STRC: variants seen among roughly 807,000 people sequenced by gnomAD.
STRC encodes stereocilin.
In STRC, 43 loss-of-function variants were observed where a neutral mutation model predicts 103.5. The observed-to-expected ratio is 0.42, with a 90% CI of 0.33 to 0.54. STRC has a LOEUF of 0.54. Ranked by LOEUF, STRC falls within the 20% of genes least tolerant of loss-of-function variation. The pLI, the probability that STRC is intolerant of heterozygous loss-of-function variation, is 0.14. For synonymous variants in STRC, 186 were observed against 442.3 expected, an observed-to-expected ratio of 0.42 and a Z score of 7.27; for missense variants, 499 against 1,088.5, an observed-to-expected ratio of 0.46 and a Z score of 7.62.
At chr15:43,602,582 G>A (rs1202742230) in intron 23 of STRC, 1 of 153,194 alleles carries the variant, frequency 6.5e-6, no homozygotes, top group Non-Finnish European at 1.4e-5. Context: ...AAATTGGAAT[G>A]ATACAGAGAT....
intron 18 of STRC, among the ~76,000 whole-genome samples, chr15:43,606,302 TA>T (rs1435233652): frequency 1.1e-5 from 1 of 88,434 alleles, no homozygotes; most frequent in Non-Finnish European, 2.4e-5. Context: ...TGAATGGCAT[TA>T]AAAAAAAGTA....
At chr15:43,607,360 C>A (rs2085718170) in intron 18 of STRC, among the ~76,000 whole-genome samples, 1 of 133,028 alleles carries the variant, frequency 7.5e-6, no homozygotes. Flanking sequence ...ATGTAAAAAT[C>A]TGATCTCCGT....
In STRC at chr15:43,604,026, C is replaced by A; in HGVS notation, c.4345G>T (p.Val1449Leu). The change falls in exon 22 of 29, where the codon GTG becomes TTG. Residue 1449 changes from valine (V) to leucine (L), a missense_variant. Val to Leu is a conservative substitution (Grantham distance 32). Coordinates refer to ENST00000450892, the MANE Select transcript of STRC (RefSeq NM_153700.2). Reference protein sequence around the residue: ...AAKKAALVAGVVRPAAEDLPE... With the variant: ...AAKKAALVAGLVRPAAEDLPE... ...AGATCCTCAGCAGCTGGTCGCACCACCCCTGCTACCAGGGCTGCTTTCTTG... is the reference window on the plus strand; with the variant it reads ...AGATCCTCAGCAGCTGGTCGCACCAACCCTGCTACCAGGGCTGCTTTCTTG... 1 of 1,613,282 alleles carries A rather than the reference C, an allele frequency of 6.2e-7. No individual in the cohort carries two copies. The highest frequency in any genetic ancestry group is 8.5e-7 in the Non-Finnish European group (1 of 1,179,662).
In STRC at chr15:43,600,612, G is replaced by A. The variant is rs2085657668; in HGVS notation, c.4915C>T (p.Leu1639=). 8.1e-6 allele frequency: 13 copies of A among 1,613,806 alleles called. No individual in the cohort carries two copies. The highest frequency in any genetic ancestry group is 1.1e-5 in the Non-Finnish European group (13 of 1,179,888). Residue 1639 remains leucine (L), a synonymous_variant, in exon 26 of 29, where the codon CTA becomes TTA. Transcript: ENST00000450892. ...CCAAACCCACCAGGCAGTACAAGTA[G>A]GTGGGCCAGAACCTCCAGTTGTTCC... ...SEEQLEVLAH[L]LVLPGGFGPI... is the part of the protein sequence containing the mutation.
intron 24 of STRC, 105 bp from the exon 25 acceptor site, chr15:43,601,119 C>T: frequency 1.1e-6 from 1 of 939,720 alleles, no homozygotes; most frequent in Non-Finnish European, 1.6e-6. Context: ...CTATTAAGAC[C>T]TAAGGAGTCA....
Position 43,609,680 on chromosome 15 carries a change from T to C in STRC, c.3499-346A>G. 1.3e-5 allele frequency: 4 copies of C among 317,214 alleles called. 1 individual carries two copies. The highest frequency in any genetic ancestry group is 9.2e-5 in the South Asian group (3 of 32,634). The allele number at this position is 317,214 out of a possible 1,614,324, so 19.6% of individuals were successfully genotyped here. On this transcript the variant is annotated intron_variant, in intron 15 of 28. Coordinates refer to ENST00000450892, the MANE Select transcript of STRC (RefSeq NM_153700.2). ...ATCTGGACAGCATAGTACCTCAACATAGTGTCTCCACATAGTGTCCACATT... is the reference window on the plus strand; with the variant it reads ...ATCTGGACAGCATAGTACCTCAACACAGTGTCTCCACATAGTGTCCACATT...
Position 43,603,234 on chromosome 15 carries a change from T to A in STRC, c.4545+8A>T. 1 of 1,613,240 alleles carries A rather than the reference T, an allele frequency of 6.2e-7. No homozygotes were observed. The highest frequency in any genetic ancestry group is 8.5e-7 in the Non-Finnish European group (1 of 1,179,656). On this transcript the variant is annotated splice_region_variant and intron_variant, in intron 23 of 28. Transcript: ENST00000450892. ...ATGGCCAACCCCAGTTGGCTCTCCA[T>A]CCCTAACCTGTTTTGCTTTGCCCAT...
chr15:43,600,853 C>A lies in STRC; in HGVS notation c.4844+19G>T, dbSNP rs1567116140. Reference sequence around the variant, plus strand: ...ACCTTTACCTCAGCACCACCACCCTCAGCCCCTTCACAAATGACCTGAACT... The same window carrying A: ...ACCTTTACCTCAGCACCACCACCCTAAGCCCCTTCACAAATGACCTGAACT... On this transcript the variant is annotated intron_variant, in intron 25 of 28. Transcript: ENST00000450892. 3.7e-6 allele frequency: 6 copies of A among 1,613,578 alleles called. No homozygotes were observed. The highest frequency in any genetic ancestry group is 2.2e-5 in the East Asian group (1 of 44,872).
chr15:43,604,653 A>C lies in STRC; in HGVS notation c.4124T>G (p.Leu1375Arg). 5 of 1,613,652 alleles carry C rather than the reference A, an allele frequency of 3.1e-6. No homozygotes were observed. Among genetic ancestry groups the C allele is most frequent in the Non-Finnish European group, 4.2e-6 (5 of 1,179,750 alleles). ...TGAAGTTCTCGAAGGTCCATACCCA[A>C]GAACAGACTCCTGCAATAGCAGCCA... is the stretch of plus-strand genomic sequence containing the variant. ...LGWLLLQESV[L>R]GKPELWSQDE... Residue 1375 changes from leucine to arginine, a missense_variant, in exon 20 of 29, where the codon CTT becomes CGT. Transcript: ENST00000450892.
Position 43,601,588 on chromosome 15 carries a change from A to G in STRC, c.4546-37T>C, listed in dbSNP as rs749689482. ...ACAGGAACAATGTGAGTGGAAAAGC[A>G]GTGGATTGGGAGTCATACTGCTGGG... On this transcript the variant is annotated intron_variant, in intron 23 of 28. Coordinates refer to ENST00000450892, the MANE Select transcript of STRC (RefSeq NM_153700.2). The G allele has an allele frequency of 1.2e-5, 19 of 1,610,210 alleles. 1 individual carries two copies. Among genetic ancestry groups the G allele is most frequent in the Non-Finnish European group, 1.6e-5 (19 of 1,176,860 alleles).
Position 43,600,590 on chromosome 15 carries a change from A to G in STRC, c.4937T>C (p.Phe1646Ser), listed in dbSNP as rs763598724. The stretch of plus-strand genomic sequence containing the variant: ...AGGCCCCCAGTTACTGATTGGGCCA[A>G]ACCCACCAGGCAGTACAAGTAGGTG... ...LAHLLVLPGG[F>S]GPISNWGPEI... Residue 1646 changes from phenylalanine to serine, a missense_variant, in exon 26 of 29, where the codon TTT becomes TCT. Transcript: ENST00000450892. The G allele has an allele frequency of 8.1e-6, 13 of 1,613,570 alleles. 1 individual carries two copies. In the African/African-American group the frequency reaches 1.7e-4, roughly 22 times the overall value.
chr15:43,605,568 T>C (rs1476587555), intron 18 of STRC, among the ~76,000 whole-genome samples, 169 bp from the exon 19 acceptor site: 1 of 149,904 alleles, frequency 6.7e-6, no homozygotes, highest in East Asian at 2.0e-4. Flanking sequence ...ACCATCAAGC[T>C]TGAGTGGGGG....
intron 25 of STRC, 41 bp from the exon 26 acceptor site, chr15:43,600,723 A>C: frequency 1.2e-6 from 2 of 1,612,918 alleles, no homozygotes; most frequent in Non-Finnish European, 8.5e-7. Context: ...ATTCGGCTTC[A>C]GTGAAAGGGG....
rs771322765 is a variant in STRC at position 43,604,158 on chromosome 15, T to C, written c.4219-6A>G. 6.2e-7 allele frequency: 1 copy of C among 1,608,978 alleles called. No homozygotes were observed. Among genetic ancestry groups the C allele is most frequent in the South Asian group, 1.1e-5 (1 of 90,406 alleles). On this transcript the variant is annotated splice_polypyrimidine_tract_variant and splice_region_variant and intron_variant, in intron 21 of 28. Coordinates refer to ENST00000450892, the MANE Select transcript of STRC (RefSeq NM_153700.2). ...GTCTCTGGACCCAAGGCCTCCTGCA[T>C]GAGAAGGTAGAAGGAGAGTGGGGAG...
chr15:43,600,439 C>T (rs551979899), intron 26 of STRC, 95 bp downstream of exon 26: 12 of 1,590,418 alleles, frequency 7.5e-6, no homozygotes, highest in Non-Finnish European at 8.6e-7. Flanking sequence ...CACCCTCAGG[C>T]CCCCACCTTA....
rs375543353 is a variant in STRC at position 43,609,242 on chromosome 15, G to A, written c.3557+34C>T. 1.6e-5 allele frequency: 26 copies of A among 1,606,080 alleles called. No homozygotes were observed. In the South Asian group the frequency reaches 1.7e-4, roughly 10 times the overall value. On this transcript the variant is annotated intron_variant, in intron 16 of 28. Transcript: ENST00000450892. ...GTAAGCACTCAAAAAAATGTTGGTC[G>A]AATTCAGCGCACTGCTCAACACAAG...
At position 43,601,809 on chromosome 15, in the gene STRC, CAG is replaced by C. The variant is rs552586797; in HGVS notation, c.4546-260_4546-259del. On this transcript the variant is annotated intron_variant, in intron 23 of 28. Transcript: ENST00000450892. ...TCCACACTTTTATGTGCATCAGACA[CAG>C]AGACGCTTATTAAAACAGATGCCTA... The C allele has an allele frequency of 1.1e-3, 511 of 473,906 alleles. 6 individuals carry two copies. Among genetic ancestry groups the C allele is most frequent in the Non-Finnish European group, 1.6e-3 (417 of 258,336 alleles). 29.4% of individuals were successfully genotyped at this position (473,906 alleles called of 1,614,324 possible). A position where few individuals can be genotyped will look rare whatever the true frequency, so the allele number is the denominator to read the frequency against.
Position 43,604,714 on chromosome 15 carries a change from A to C in STRC, c.4063T>G (p.Phe1355Val). The stretch of plus-strand genomic sequence containing the variant: ...GTGGCAAATGTCTCTCCTAGGCAGA[A>C]GCCTTGCAGCTGACTGAGATGGGAC... ...LLSHLSQLQG[F>V]CLGETFATEL... is the part of the protein sequence containing the mutation. Residue 1355 changes from phenylalanine to valine, a missense_variant, in exon 20 of 29, where the codon TTC (phenylalanine) becomes GTC (valine). Transcript: ENST00000450892. 6.2e-7 allele frequency: 1 copy of C among 1,613,652 alleles called. No individual in the cohort carries two copies. Among genetic ancestry groups the C allele is most frequent in the Non-Finnish European group, 8.5e-7 (1 of 1,179,700 alleles).
intron 18 of STRC, 95 bp from the exon 19 acceptor site, chr15:43,605,494 C>A: frequency 3.2e-6 from 5 of 1,542,098 alleles, no homozygotes; most frequent in Non-Finnish European, 2.6e-6. Flanking sequence ...TAAGATGTGA[C>A]CCCAGACCAA....
Sources: gnomAD v4.1 joint callset for allele counts (sites outside exome capture counted in the v4.1 genomes callset) on GRCh38, gnomAD v4.1.1 for gene constraint, MANE v1.5 for transcripts, NCBI Gene and HGNC (gene_info 2026-07-23, HGNC 2026-07-21) for gene names.